COL21A1: variants seen among roughly 807,000 people sequenced by gnomAD.
The protein encoded by COL21A1 is collagen type XXI alpha 1 chain, also known as collagen alpha-1(XXI) chain.
Under a neutral mutation model 137.9 loss-of-function variants are expected in COL21A1, and 149 were observed. The ratio of observed to expected loss-of-function variants is 1.08; its 90% CI spans 0.95 to 1.24. The LOEUF (loss-of-function observed/expected upper bound fraction) is 1.24. Among genes scored for constraint, COL21A1 ranks in the 50% most tolerant of loss-of-function variants. COL21A1 has a pLI of 0.00. For synonymous variants in COL21A1, 456 were observed against 391.5 expected (o/e 1.16, Z -1.95); for missense variants, 1,167 against 1,158.4 (o/e 1.01, Z -0.11).
intron 1 of COL21A1, among the ~76,000 whole-genome samples, chr6:56,378,193 T>TGGAAAAGAAAAGCAGAC (rs1270020315): frequency 1.3e-5 from 2 of 151,874 alleles, no homozygotes; most frequent in African/African-American, 4.8e-5. Context: ...GAAAAGCAGA[T>TGGAAAAGAAAAGCAGAC]GGAAAAGAAA....
chr6:56,211,057 T>C (rs1780125717), intron 1 of COL21A1, among the ~76,000 whole-genome samples: 1 of 151,028 alleles, frequency 6.6e-6, no homozygotes, highest in Non-Finnish European at 1.5e-5. Flanking sequence ...AGTATTCAAC[T>C]GGATATATAA....
At chr6:56,127,650 G>A (rs1200834260) in intron 12 of COL21A1, among the ~76,000 whole-genome samples, 8 of 152,132 alleles carry the variant, frequency 5.3e-5, no homozygotes, top group Admixed American at 1.3e-4. Flanking sequence ...TAAATCAGAC[G>A]TTTGAAGGCT....
chr6:56,104,998 G>T (rs947850642), intron 16 of COL21A1, among the ~76,000 whole-genome samples: 9 of 152,128 alleles, frequency 5.9e-5, no homozygotes, highest in African/African-American at 2.2e-4. Flanking sequence ...ACTTTATTTT[G>T]ACTTTGATCT....
chr6:56,218,123 G>T (rs978844913), intron 1 of COL21A1, among the ~76,000 whole-genome samples: 4 of 151,986 alleles, frequency 2.6e-5, no homozygotes, highest in African/African-American at 9.7e-5. Flanking sequence ...CTTTTAAGAG[G>T]AATACACTAA....
intron 1 of COL21A1, among the ~76,000 whole-genome samples, chr6:56,202,609 C>T (rs1445165921): frequency 6.6e-6 from 1 of 152,186 alleles, no homozygotes; most frequent in African/African-American, 2.4e-5. Context: ...GTGGTATCCA[C>T]CTAAGTGATC....
intron 1 of COL21A1, among the ~76,000 whole-genome samples, chr6:56,368,200 T>C (rs1766145549): frequency 6.6e-6 from 1 of 152,230 alleles, no homozygotes; most frequent in Non-Finnish European, 1.5e-5. Context: ...AGAATATTTG[T>C]AATTTTTTAT....
At chr6:56,341,114 C>A (rs951946199) in intron 1 of COL21A1, among the ~76,000 whole-genome samples, 8 of 152,246 alleles carry the variant, frequency 5.3e-5, no homozygotes, top group Non-Finnish European at 1.2e-4. Flanking sequence ...AGACAGGAAG[C>A]TGGATCCCAA....
At chr6:56,127,424 T>A (rs1228687842) in intron 12 of COL21A1, among the ~76,000 whole-genome samples, 1 of 152,208 alleles carries the variant, frequency 6.6e-6, no homozygotes, top group East Asian at 1.9e-4. Flanking sequence ...TTCATTTGCA[T>A]TGAAAATTTT....
At chr6:56,169,481 A>G (rs1416026493) in intron 5 of COL21A1, among the ~76,000 whole-genome samples, 4 of 151,908 alleles carry the variant, frequency 2.6e-5, no homozygotes, top group Non-Finnish European at 5.9e-5. Context: ...ACCACATTAT[A>G]TGGCTTTCCA....
At chr6:56,389,218 TG>T (rs1218997159) in intron 1 of COL21A1, among the ~76,000 whole-genome samples, 1 of 151,766 alleles carries the variant, frequency 6.6e-6, no homozygotes, top group African/African-American at 2.4e-5. Flanking sequence ...AAAAATTAGC[TG>T]GGTGTGGTGG....
At chr6:56,254,655 T>C (rs1396797363) in intron 1 of COL21A1, among the ~76,000 whole-genome samples, 2 of 152,200 alleles carry the variant, frequency 1.3e-5, no homozygotes, top group Admixed American at 6.5e-5. Context: ...ATGGGAAATA[T>C]TTGAGAATAT....
chr6:56,163,251 T>A (rs918088666), intron 9 of COL21A1, among the ~76,000 whole-genome samples: 1 of 152,220 alleles, frequency 6.6e-6, no homozygotes, highest in African/African-American at 2.4e-5. Flanking sequence ...TCTTTTTGCT[T>A]AGGGAAACAT....
At chr6:56,318,824 AG>A (rs1764802549) in intron 1 of COL21A1, among the ~76,000 whole-genome samples, 2 of 152,152 alleles carry the variant, frequency 1.3e-5, no homozygotes, top group Admixed American at 6.6e-5. Flanking sequence ...TGAGCTCACT[AG>A]CTGCTAATCT....
intron 1 of COL21A1, among the ~76,000 whole-genome samples, chr6:56,307,516 C>A (rs1196083495): frequency 2.0e-5 from 3 of 152,244 alleles, no homozygotes; most frequent in Admixed American, 6.5e-5. Flanking sequence ...GTAGGACCCT[C>A]CAAGCCAGGC....
intron 1 of COL21A1, among the ~76,000 whole-genome samples, chr6:56,290,498 G>GGTTTTTTTTTTTTTTTTTTTTT (rs371058894): frequency 7.5e-6 from 1 of 132,960 alleles, no homozygotes; most frequent in Non-Finnish European, 1.6e-5. Context: ...TCACTTAGGA[G>GGTTTTTTTTTTTTTTTTTTTTT]ATTTTTTTTT....
intron 16 of COL21A1, among the ~76,000 whole-genome samples, chr6:56,106,653 A>G (rs1770921401): frequency 6.6e-6 from 1 of 152,246 alleles, no homozygotes; most frequent in Non-Finnish European, 1.5e-5. Flanking sequence ...TCAAATTTGA[A>G]AAGAATTGGC....
intron 22 of COL21A1, 62 bp from the exon 23 acceptor site, chr6:56,067,392 CA>C (rs1199387521): frequency 2.0e-5 from 29 of 1,461,440 alleles, no homozygotes; most frequent in Non-Finnish European, 2.0e-5. Flanking sequence ...TTCAAATAAA[CA>C]TATATTTTTC....
At chr6:56,114,464 A>G (rs373766660) in intron 16 of COL21A1, among the ~76,000 whole-genome samples, 2 of 152,232 alleles carry the variant, frequency 1.3e-5, no homozygotes, top group Non-Finnish European at 2.9e-5. Flanking sequence ...TAGAACTCAA[A>G]CAAATTTACA....
chr6:56,352,527 G>A (rs1765732269), intron 1 of COL21A1, among the ~76,000 whole-genome samples: 1 of 146,114 alleles, frequency 6.8e-6, no homozygotes, highest in Non-Finnish European at 1.5e-5. Context: ...TGAATTCAGA[G>A]AATGCAACTA....
Sources: gnomAD v4.1 joint callset for allele counts (sites outside exome capture counted in the v4.1 genomes callset) on GRCh38, gnomAD v4.1.1 for gene constraint, MANE v1.5 for transcripts, NCBI Gene and HGNC (gene_info 2026-07-23, HGNC 2026-07-21) for gene names.